Variants in PARD3B observed in about 807,000 individuals in gnomAD.
PARD3B encodes partitioning defective 3 homolog B.
Under a neutral mutation model 130.2 loss-of-function variants are expected in PARD3B, and 103 were observed. The ratio of observed to expected loss-of-function variants is 0.79; its 90% CI spans 0.67 to 0.93. PARD3B has a LOEUF of 0.93. Ranked by LOEUF, PARD3B falls within the 40% of genes least tolerant of loss-of-function variation. The pLI, the probability that PARD3B is intolerant of heterozygous loss-of-function variation, is 0.00. For missense variants in PARD3B, 1,609 were observed against 1,499.2 expected (o/e 1.07, Z -1.21); for synonymous variants, 583 against 553.2 (o/e 1.05, Z -0.76).
At chr2:204,615,938 T>A (rs934485454) in intron 1 of PARD3B, among the ~76,000 whole-genome samples, 5 of 152,132 alleles carry the variant, frequency 3.3e-5, no homozygotes, top group Non-Finnish European at 7.4e-5. Context: ...CCTCATCAAG[T>A]TCTTGAAGTC....
At chr2:204,740,966 C>A (rs2125362604) in intron 2 of PARD3B, among the ~76,000 whole-genome samples, 1 of 152,178 alleles carries the variant, frequency 6.6e-6, no homozygotes, top group South Asian at 2.1e-4. Flanking sequence ...ACTTCTAAAT[C>A]ATAAAATTGA....
At chr2:204,801,177 A>C (rs998095466) in intron 2 of PARD3B, among the ~76,000 whole-genome samples, 5 of 152,184 alleles carry the variant, frequency 3.3e-5, no homozygotes, top group Non-Finnish European at 7.3e-5. Flanking sequence ...CTTTTTGCTT[A>C]GGATTGTCTT....
intron 11 of PARD3B, among the ~76,000 whole-genome samples, chr2:205,170,055 C>T (rs911228559): frequency 4.0e-5 from 6 of 151,802 alleles, no homozygotes; most frequent in Admixed American, 2.0e-4. Context: ...CTCAGCCTCC[C>T]GAGTAGCTGG....
At chr2:204,853,708 A>T (rs954798278) in intron 2 of PARD3B, among the ~76,000 whole-genome samples, 1 of 152,252 alleles carries the variant, frequency 6.6e-6, no homozygotes, top group Admixed American at 6.5e-5. Flanking sequence ...TTAACTGAGC[A>T]CTTTGTATGC....
rs573174491 is a variant in PARD3B at position 204,747,112 on chromosome 2, T to A, written c.222+60830T>A. Among the ~76,000 whole-genome samples the A allele has an allele frequency of 9.2e-4, 140 of 152,258 alleles. 1 individual carries two copies. In the South Asian group the frequency reaches 0.023, roughly 25 times the overall value. ...CTTCTAGGGTTTTTATGGTTTTAGG[T>A]CTAACGTTTAAGTCTTTAATCCATC... On this transcript the variant is annotated intron_variant, in intron 2 of 22. Coordinates refer to ENST00000406610, the MANE Select transcript of PARD3B (RefSeq NM_001302769.2).
chr2:204,849,570 T>C (rs2125602975), intron 2 of PARD3B, among the ~76,000 whole-genome samples: 1 of 152,334 alleles, frequency 6.6e-6, no homozygotes, highest in South Asian at 2.1e-4. Flanking sequence ...GTTATTACAA[T>C]GTTATCATCC....
chr2:205,057,208 C>A (rs1452854426), intron 4 of PARD3B, among the ~76,000 whole-genome samples: 1 of 150,348 alleles, frequency 6.7e-6, no homozygotes, highest in East Asian at 2.0e-4. Context: ...ATTTACAAAT[C>A]CTGACCTTAT....
intron 2 of PARD3B, among the ~76,000 whole-genome samples, chr2:204,931,389 G>A (rs1277673204): frequency 6.6e-6 from 1 of 152,042 alleles, no homozygotes; most frequent in Non-Finnish European, 1.5e-5. Flanking sequence ...CTCAATAAAT[G>A]TTAGCATATC....
rs570148166 is a variant in PARD3B, at chr2:205,121,642, C to G, written c.858C>G (p.His286Gln). ...TGAAATCTCCAAGTGTGCTCCTCCA[C>G]GTGCTTCCTCCACAAAACCGTGAAC... ...QAMKSPSVLLHVLPPQNREQY... is the reference protein window; with the variant it reads ...QAMKSPSVLLQVLPPQNREQY... Residue 286 changes from histidine to glutamine, a missense_variant, in exon 8 of 23, where the codon CAC becomes CAG. Transcript: ENST00000406610. The surrounding 1 kb of genome is among the most constrained non-coding windows in gnomAD (Gnocchi z 5.0). 6.2e-7 allele frequency: 1 copy of G among 1,614,164 alleles called. No homozygotes were observed. Among genetic ancestry groups the G allele is most frequent in the African/African-American group, 1.3e-5 (1 of 75,046 alleles).
At chr2:205,546,575 A>T (rs2052390106) in intron 21 of PARD3B, among the ~76,000 whole-genome samples, 1 of 152,150 alleles carries the variant, frequency 6.6e-6, no homozygotes, top group Non-Finnish European at 1.5e-5. Flanking sequence ...GAAAAATGAG[A>T]AGTGAGCTTA....
intron 2 of PARD3B, among the ~76,000 whole-genome samples, chr2:204,746,438 A>T (rs2040232196): frequency 6.6e-6 from 1 of 151,900 alleles, no homozygotes; most frequent in Non-Finnish European, 1.5e-5. Flanking sequence ...GCCGCAATAA[A>T]CATACGTGTG....
At chr2:205,149,558 C>G (rs1183086861) in intron 10 of PARD3B, among the ~76,000 whole-genome samples, 1 of 152,216 alleles carries the variant, frequency 6.6e-6, no homozygotes, top group African/African-American at 2.4e-5. Context: ...TTCTGACCAA[C>G]TAAGTGTTCA....
intron 2 of PARD3B, among the ~76,000 whole-genome samples, chr2:204,821,269 G>T (rs2043341323): frequency 6.6e-6 from 1 of 152,040 alleles, no homozygotes; most frequent in Admixed American, 6.5e-5. Flanking sequence ...AGTCCCAGGA[G>T]ATCTGATAGT....
intron 2 of PARD3B, among the ~76,000 whole-genome samples, chr2:204,964,569 C>G (rs79232040): frequency 1.3e-5 from 2 of 151,914 alleles, no homozygotes; most frequent in Non-Finnish European, 2.9e-5. Flanking sequence ...AGGAAAAGAA[C>G]AAAATTAAAG....
intron 1 of PARD3B, among the ~76,000 whole-genome samples, chr2:204,557,254 G>T (rs964803449): frequency 6.6e-6 from 1 of 152,064 alleles, no homozygotes; most frequent in Non-Finnish European, 1.5e-5. Context: ...TTACCTGGAT[G>T]TCCCACAGAC....
chr2:204,819,645 G>A (rs1355093843), intron 2 of PARD3B, among the ~76,000 whole-genome samples: 1 of 152,092 alleles, frequency 6.6e-6, no homozygotes, highest in Non-Finnish European at 1.5e-5. Flanking sequence ...GCTAAGATAG[G>A]CCCAAAAGCT....
intron 15 of PARD3B, among the ~76,000 whole-genome samples, chr2:205,204,407 C>T (rs1334123295): frequency 6.6e-6 from 1 of 152,142 alleles, no homozygotes; most frequent in African/African-American, 2.4e-5. Context: ...GTTGCCTGTT[C>T]ACTCTGATGA....
chr2:204,889,512 A>T (rs1268884759), intron 2 of PARD3B, among the ~76,000 whole-genome samples: 1 of 152,132 alleles, frequency 6.6e-6, no homozygotes, highest in Non-Finnish European at 1.5e-5. Flanking sequence ...AATAAACCAA[A>T]CAAAGTAGGG....
rs1702087113 is a variant in PARD3B at position 205,091,237 on chromosome 2, T to G, written c.505-13189T>G. ...ACATAAGACCTTTAGTACTTATGGA[T>G]TCAACATTTGAAATCATATACACAT... On this transcript the variant is annotated intron_variant, in intron 4 of 22. Coordinates refer to ENST00000406610, the MANE Select transcript of PARD3B (RefSeq NM_001302769.2). The surrounding 1 kb of genome is among the most constrained non-coding windows in gnomAD (Gnocchi z 4.2). 6.6e-6 allele frequency among the ~76,000 whole-genome samples: 1 copy of G among 152,218 alleles called. No individual in the cohort carries two copies. The highest frequency in any genetic ancestry group is 2.4e-5 in the African/African-American group (1 of 41,442).
Sources: gnomAD v4.1 joint callset for allele counts (sites outside exome capture counted in the v4.1 genomes callset) on GRCh38, gnomAD v4.1.1 for gene constraint, Gnocchi (gnomAD v3.1) non-coding constraint, MANE v1.5 for transcripts, NCBI Gene and HGNC (gene_info 2026-07-23, HGNC 2026-07-21) for gene names.